The following U2SURP variants were observed in gnomAD, a reference collection of about 807,000 sequenced individuals.
U2SURP encodes U2 snRNP-associated SURP motif-containing protein.
In U2SURP, 9 loss-of-function variants were observed where a neutral mutation model predicts 144.9. That is an observed-to-expected ratio of 0.06 (90% CI 0.04 to 0.11). The LOEUF is 0.11. Ranked by LOEUF, U2SURP falls within the 10% of genes least tolerant of loss-of-function variation. U2SURP has a pLI of 1.00. For synonymous variants in U2SURP, 408 were observed against 396.8 expected (o/e 1.03, Z -0.33); for missense variants, 724 against 1,226.7 (o/e 0.59, Z 6.12).
In U2SURP at chr3:143,014,798, C is replaced by A. The variant is rs191061546; in HGVS notation, c.321+389C>A. Among the ~76,000 whole-genome samples the A allele has an allele frequency of 1.2e-4, 18 of 152,074 alleles. No individual in the cohort carries two copies. The East Asian group carries it at 3.5e-3, about 29-fold the overall frequency. ...ATTACCTCAAGTATATAGAAATACT[C>A]CTTATTCATTTGCTATGGCTGTGTA... On this transcript the variant is annotated intron_variant, in intron 4 of 27. Transcript: ENST00000473835.
intron 21 of U2SURP, among the ~76,000 whole-genome samples, chr3:143,037,698 T>TCTAACTTACAACTTCAGTTTTC (rs1234875833): frequency 4.6e-5 from 7 of 152,122 alleles, no homozygotes; most frequent in African/African-American, 1.7e-4. Flanking sequence ...TATTAGTTTT[T>TCTAACTTACAACTTCAGTTTTC]CTAACTTACA....
At chr3:143,049,139 G>C (rs79159918) in intron 24 of U2SURP, among the ~76,000 whole-genome samples, 4,362 of 150,440 alleles carry the variant, frequency 0.029, 91 homozygotes, top group African/African-American at 0.062. Flanking sequence ...GGTGGCGTGC[G>C]CCTGTAATCC....
At chr3:143,052,690 A>G (rs1934949498) in intron 25 of U2SURP, among the ~76,000 whole-genome samples, 1 of 152,234 alleles carries the variant, frequency 6.6e-6, no homozygotes, top group Non-Finnish European at 1.5e-5. Context: ...AGCAGAGAGC[A>G]TTTACTGTCT....
At chr3:143,038,068 C>T (rs978468127) in intron 21 of U2SURP, 40 bp from the exon 22 acceptor site, 1 of 1,463,074 alleles carries the variant, frequency 6.8e-7, no homozygotes, top group Non-Finnish European at 9.3e-7. Flanking sequence ...TCGGGTCATC[C>T]ACTAGTAGTC....
In U2SURP at chr3:143,047,634, C is replaced by A. The variant is rs1278042139; in HGVS notation, c.2545-3305C>A. 4.2e-5 allele frequency among the ~76,000 whole-genome samples: 2 copies of A among 47,456 alleles called. 1 individual carries two copies. The highest frequency in any genetic ancestry group is 7.6e-5 in the Non-Finnish European group (2 of 26,462). The allele number at this position is 47,456 out of a possible 152,430, so 31.1% of individuals were successfully genotyped here. A position where few individuals can be genotyped will look rare whatever the true frequency, so the allele number is the denominator to read the frequency against. The stretch of plus-strand genomic sequence containing the variant: ...CTGGCCGGGCAGGGGGCTGACCCCC[C>A]CTCCCGCCTCCCGGACGGGGCGGCT... On this transcript the variant is annotated intron_variant, in intron 24 of 27. Transcript: ENST00000473835.
rs757784410 is a variant in U2SURP at position 143,010,785 on chromosome 3, A to G, written c.46-30A>G. 7.0e-6 allele frequency: 11 copies of G among 1,573,456 alleles called. No individual in the cohort carries two copies. The Admixed American group carries it at 8.7e-5, about 12-fold the overall frequency. On this transcript the variant is annotated intron_variant, in intron 1 of 27. Transcript: ENST00000473835. ...GTTTTGTTAGTATAAGACATTTTAA[A>G]TTATTGACTTTTATTTTTGATACTT...
intron 1 of U2SURP, among the ~76,000 whole-genome samples, chr3:143,001,933 A>T (rs1392925103): frequency 6.6e-6 from 1 of 152,238 alleles, no homozygotes; most frequent in Non-Finnish European, 1.5e-5. Flanking sequence ...CATTGGAGTG[A>T]AATCAGGAAT....
At chr3:143,018,985 T>C (rs1936509886) in intron 6 of U2SURP, among the ~76,000 whole-genome samples, 1 of 152,220 alleles carries the variant, frequency 6.6e-6, no homozygotes, top group East Asian at 1.9e-4. Flanking sequence ...TTAGTCATTT[T>C]AGTGTGTGTG....
rs918914275 is a variant in U2SURP, at chr3:143,060,631, A to G, written c.*4181A>G. The G allele has an allele frequency of 6.6e-6, 1 of 152,050 alleles. No homozygotes were observed. Among genetic ancestry groups the G allele is most frequent in the Non-Finnish European group, 1.5e-5 (1 of 67,904 alleles). The allele number at this position is 152,050 out of a possible 1,614,324, so 9.4% of individuals were successfully genotyped here. A position where few individuals can be genotyped will look rare whatever the true frequency, so the allele number is the denominator to read the frequency against. On this transcript the variant is annotated 3_prime_UTR_variant, in exon 28 of 28. Transcript: ENST00000473835. ...TTAGTTTTTTAGCAGCTTTCTCTCA[A>G]GTGAAATAAGTGATGTGACATGTTT...
rs1935306870 is a variant in U2SURP, at chr3:143,059,939, T to G, written c.*3489T>G. 6.6e-6 allele frequency: 1 copy of G among 152,402 alleles called. No individual in the cohort carries two copies. The highest frequency in any genetic ancestry group is 2.4e-5 in the African/African-American group (1 of 41,438). 9.4% of individuals were successfully genotyped at this position (152,402 alleles called of 1,614,324 possible). ...CATTATCCTTTTGACTTAAAATTTT[T>G]GTTACCAACTTCCTAGGACTTAGAT... On this transcript the variant is annotated 3_prime_UTR_variant, in exon 28 of 28. Coordinates refer to ENST00000473835, the MANE Select transcript of U2SURP (RefSeq NM_001080415.2).
At chr3:143,023,172 G>A in intron 12 of U2SURP, 108 bp downstream of exon 12, 1 of 1,040,036 alleles carries the variant, frequency 9.6e-7, no homozygotes. Flanking sequence ...ATTCTGTTTG[G>A]CAACTTTTAA....
intron 23 of U2SURP, among the ~76,000 whole-genome samples, chr3:143,041,934 T>A (rs1256325742): frequency 6.6e-6 from 1 of 151,888 alleles, no homozygotes; most frequent in Non-Finnish European, 1.5e-5. Flanking sequence ...TGTATATGGG[T>A]ATCTTGTTTT....
intron 16 of U2SURP, among the ~76,000 whole-genome samples, chr3:143,032,579 C>G (rs892061642): frequency 3.3e-5 from 5 of 152,116 alleles, no homozygotes; most frequent in Admixed American, 6.5e-5. Flanking sequence ...TAATTGGAAT[C>G]TTATTCTACA....
intron 8 of U2SURP, 24 bp from the exon 9 acceptor site, chr3:143,021,325 AT>A: frequency 1.3e-6 from 2 of 1,573,350 alleles, no homozygotes; most frequent in East Asian, 4.6e-5. Context: ...AAAACTAATA[AT>A]TGTCTTCTTT....
At chr3:143,046,286 GTTTATTT>G (rs1228256370) in intron 24 of U2SURP, among the ~76,000 whole-genome samples, 5 of 72,514 alleles carry the variant, frequency 6.9e-5, no homozygotes, top group East Asian at 4.4e-4. Context: ...TTTTTTTTTA[GTTTATTT>G]TTTATTTTTT....
intron 24 of U2SURP, among the ~76,000 whole-genome samples, chr3:143,049,215 G>A (rs1397494306): frequency 1.4e-5 from 2 of 146,300 alleles, no homozygotes; most frequent in African/African-American, 5.0e-5. Flanking sequence ...GCAGCGAGCC[G>A]AGATTGTGCC....
At chr3:143,030,286 A>C (rs923096402) in intron 16 of U2SURP, among the ~76,000 whole-genome samples, 1 of 152,256 alleles carries the variant, frequency 6.6e-6, no homozygotes, top group Non-Finnish European at 1.5e-5. Context: ...GGGCTAATGC[A>C]GCTGGTGACT....
intron 11 of U2SURP, 61 bp from the exon 12 acceptor site, chr3:143,022,792 A>G (rs1369345933): frequency 6.8e-7 from 1 of 1,469,518 alleles, no homozygotes; most frequent in African/African-American, 1.4e-5. Context: ...AACTCACCAG[A>G]AAAATTTTGT....
chr3:143,047,342 C>T (rs1307246334), intron 24 of U2SURP, among the ~76,000 whole-genome samples: 1 of 10,524 alleles, frequency 9.5e-5, no homozygotes, highest in Admixed American at 8.4e-4. Context: ...TCCCCCCTCC[C>T]GGACGGGGTG....
Sources: allele counts gnomAD v4.1 joint callset (sites outside exome capture counted in the v4.1 genomes callset), GRCh38; gene constraint gnomAD v4.1.1; transcripts MANE v1.5; gene names NCBI Gene and HGNC (gene_info 2026-07-23, HGNC 2026-07-21).